DNAH2: variants seen among roughly 807,000 people sequenced by gnomAD.
DNAH2 encodes the protein axonemal beta dynein heavy chain 2.
In DNAH2, 323 loss-of-function variants were observed where a neutral mutation model predicts 523.5. The observed-to-expected ratio is 0.62, with a 90% confidence interval of 0.56 to 0.68. DNAH2 has a LOEUF of 0.68. Among genes scored for constraint, DNAH2 ranks in the 30% least tolerant of loss-of-function variants. The pLI, the probability that DNAH2 is intolerant of heterozygous loss-of-function variation, is 0.00. For synonymous variants in DNAH2, 2,093 were observed against 2,177.4 expected (o/e 0.96, Z 1.08); for missense variants, 4,907 against 5,701.5 (o/e 0.86, Z 4.49).
intron 7 of DNAH2, among the ~76,000 whole-genome samples, chr17:7,735,206 C>G (rs373493060): frequency 6.6e-6 from 1 of 152,174 alleles, no homozygotes; most frequent in South Asian, 2.1e-4. Context: ...TCTCAGCTCA[C>G]TGCAACCTCT....
intron 1 of DNAH2, among the ~76,000 whole-genome samples, chr17:7,719,133 T>C (rs1396437975): frequency 6.6e-6 from 1 of 150,916 alleles, no homozygotes; most frequent in African/African-American, 2.4e-5. Flanking sequence ...CCATCTTTTT[T>C]TTTTTTTTTT....
Position 7,833,667 on chromosome 17 carries a change from G to A in DNAH2, c.*134G>A, listed in dbSNP as rs1412252923. 8.2e-7 allele frequency: 1 copy of A among 1,220,098 alleles called. No individual in the cohort carries two copies. The highest frequency in any genetic ancestry group is 1.3e-5 in the South Asian group (1 of 78,352). 75.6% of individuals were successfully genotyped at this position (1,220,098 alleles called of 1,614,324 possible). A position where few individuals can be genotyped will look rare whatever the true frequency, so the allele number is the denominator to read the frequency against. The stretch of plus-strand genomic sequence containing the variant: ...CGAATTTGTGTGATGTGGCCCTGGA[G>A]ATACCTAGTTGTGTTAGCCATAAAA... On this transcript the variant is annotated 3_prime_UTR_variant, in exon 86 of 86. Transcript: ENST00000572933.
Position 7,821,085 on chromosome 17 carries a change from C to G in DNAH2, c.11016-158C>G, listed in dbSNP as rs2077839148. Among the ~76,000 whole-genome samples, 1 of 152,044 alleles carries G rather than the reference C, an allele frequency of 6.6e-6. No individual in the cohort carries two copies. The highest frequency in any genetic ancestry group is 2.1e-4 in the South Asian group (1 of 4,830). On this transcript the variant is annotated intron_variant, in intron 72 of 85. Transcript: ENST00000572933. This position sits in a 1 kb window ranked among gnomAD's most constrained non-coding sequence, Gnocchi z 5.0. ...AGTGGACTCTGGGAAATTCTTGTGT[C>G]TAGGCCCCTGAGTCCTCAGCTGTTT...
At chr17:7,819,153 C>T in intron 71 of DNAH2, 56 bp from the exon 72 acceptor site, 3 of 1,608,076 alleles carry the variant, frequency 1.9e-6, no homozygotes, top group Non-Finnish European at 2.5e-6. Flanking sequence ...TTCCCTGAGC[C>T]CCTGCTCCCT....
In DNAH2 at chr17:7,817,934, C is replaced by T. The variant is rs767633244; in HGVS notation, c.10237-12C>T. 2 of 1,614,126 alleles carry T rather than the reference C, an allele frequency of 1.2e-6. No individual in the cohort carries two copies. The highest frequency in any genetic ancestry group is 2.2e-5 in the South Asian group (2 of 91,080). Reference sequence around the variant, plus strand: ...CCCGTAGTGTTCCTTCACCTTCCCCCTTGCTCTCTAGGGCCTGAAGATCAT... The same window carrying T: ...CCCGTAGTGTTCCTTCACCTTCCCCTTTGCTCTCTAGGGCCTGAAGATCAT... On this transcript the variant is annotated splice_polypyrimidine_tract_variant and intron_variant, in intron 67 of 85. Coordinates refer to ENST00000572933, the MANE Select transcript of DNAH2 (RefSeq NM_020877.5).
chr17:7,831,595 G>A lies in DNAH2; in HGVS notation c.12611+54G>A. 6.2e-7 allele frequency: 1 copy of A among 1,613,492 alleles called. No individual in the cohort carries two copies. On this transcript the variant is annotated intron_variant, in intron 81 of 85. Transcript: ENST00000572933. This position sits in a 1 kb window ranked among gnomAD's most constrained non-coding sequence, Gnocchi z 4.2. ...GGGGAGGGTGTGAGGAGAAGCCTTT[G>A]CCTTCTGGCTAGAATGACGTTCCCA...
intron 2 of DNAH2, among the ~76,000 whole-genome samples, chr17:7,721,505 A>C (rs1047322059): frequency 3.3e-5 from 5 of 151,904 alleles, no homozygotes; most frequent in Non-Finnish European, 7.4e-5. Flanking sequence ...TGGAACCTGA[A>C]TGCCAGCAGT....
In DNAH2 at chr17:7,817,866, T is replaced by TG. The variant is rs561293718; in HGVS notation, c.10236+16dup. ...CATGGAAGGAGGCCAGGTGTGAGGC[T>TG]GGGGGGTCAGGTTAGCCCCCCCCTT... On this transcript the variant is annotated intron_variant, in intron 67 of 85. Coordinates refer to ENST00000572933, the MANE Select transcript of DNAH2 (RefSeq NM_020877.5). The TG allele has an allele frequency of 9.7e-4, 1,563 of 1,611,852 alleles. 33 individuals are homozygous for TG. The South Asian group carries it at 0.016, about 16-fold the overall frequency.
rs2076586471 is a variant in DNAH2, at chr17:7,780,894, C to T, written c.6003+112C>T. ...CCTCAGATTGGGATTCTCACCTTCC[C>T]ACCTCGTCCCATCCCCGTGTTGCCC... On this transcript the variant is annotated intron_variant, in intron 38 of 85. Transcript: ENST00000572933. The surrounding 1 kb of genome is among the most constrained non-coding windows in gnomAD (Gnocchi z 4.4). 2 of 1,579,440 alleles carry T rather than the reference C, an allele frequency of 1.3e-6. No homozygotes were observed. The highest frequency in any genetic ancestry group is 1.3e-5 in the African/African-American group (1 of 74,354).
intron 12 of DNAH2, among the ~76,000 whole-genome samples, chr17:7,752,160 TACACACACAC>T (rs1555544463): frequency 2.4e-5 from 3 of 124,952 alleles, no homozygotes; most frequent in Non-Finnish European, 4.9e-5. Flanking sequence ...TAAGTCATTT[TACACACACAC>T]ACACACACAC....
intron 31 of DNAH2, among the ~76,000 whole-genome samples, 160 bp from the exon 32 acceptor site, chr17:7,776,619 G>A (rs2076459985): frequency 6.6e-6 from 1 of 152,180 alleles, no homozygotes; most frequent in Non-Finnish European, 1.5e-5. Context: ...CTCCAAGCTG[G>A]ACCCTTAGCT....
chr17:7,777,493 C>T lies in DNAH2; in HGVS notation c.5106C>T (p.Thr1702=), dbSNP rs200427134. ...KYSEAIRGNL[T]KIMRLKIVAL... The stretch of plus-strand genomic sequence containing the variant: ...CAGAAGCCATCAGGGGGAACTTGAC[C>T]AAGATCATGCGGCTTAAAATTGTGG... The change falls in exon 33 of 86, where the codon ACC becomes ACT. Residue 1702 remains threonine (T), a synonymous_variant. Transcript: ENST00000572933. 32 of 1,614,116 alleles carry T rather than the reference C, an allele frequency of 2.0e-5. No individual in the cohort carries two copies. Among genetic ancestry groups the T allele is most frequent in the Non-Finnish European group, 2.3e-5 (27 of 1,180,006 alleles).
At chr17:7,741,032 A>G (rs1244256433) in intron 11 of DNAH2, 40 bp downstream of exon 11, 2 of 1,566,032 alleles carry the variant, frequency 1.3e-6, no homozygotes, top group Non-Finnish European at 8.7e-7. Flanking sequence ...CGTCAGTGAG[A>G]CCGCCAGGAG....
chr17:7,741,792 G>T (rs2075361823), intron 11 of DNAH2, among the ~76,000 whole-genome samples: 2 of 151,934 alleles, frequency 1.3e-5, no homozygotes, highest in African/African-American at 4.8e-5. Flanking sequence ...AGCCTCTCAG[G>T]AGCTGGGATT....
Position 7,830,806 on chromosome 17 carries a change from A to G in DNAH2, c.12194A>G (p.Tyr4065Cys). 6.2e-7 allele frequency: 1 copy of G among 1,614,000 alleles called. No individual in the cohort carries two copies. The highest frequency in any genetic ancestry group is 8.5e-7 in the Non-Finnish European group (1 of 1,180,026). ...CTGCTGACCACCTACATCAATGATT[A>G]TTTCTGTGACCAGTCTCTATCAACT... ...RRLLTTYIND[Y>C]FCDQSLSTPF... is the part of the protein sequence containing the mutation. Residue 4065 changes from tyrosine (Y) to cysteine (C), a missense_variant, in exon 79 of 86, where the codon TAT (tyrosine) becomes TGT (cysteine). Physicochemically the swap from Tyr to Cys is radical, Grantham distance 194. Around this residue, in one of 3 missense-constraint regions of DNAH2, gnomAD observed 1,851 missense variants for 2,139.4 expected, o/e 0.87. Coordinates refer to ENST00000572933, the MANE Select transcript of DNAH2 (RefSeq NM_020877.5).
intron 77 of DNAH2, among the ~76,000 whole-genome samples, chr17:7,825,366 G>A (rs1354752920): frequency 3.9e-5 from 6 of 152,160 alleles, no homozygotes; most frequent in African/African-American, 1.4e-4. Flanking sequence ...TGCTCACCCT[G>A]TGAAAAGCAC....
chr17:7,783,542 G>A (rs1394696617), intron 39 of DNAH2, among the ~76,000 whole-genome samples: 1 of 152,042 alleles, frequency 6.6e-6, no homozygotes, highest in Non-Finnish European at 1.5e-5. Context: ...AAGCAAACAG[G>A]CTGGACATGA....
At position 7,804,367 on chromosome 17, in the gene DNAH2, G is replaced by A; in HGVS notation, c.9084G>A (p.Leu3028=). ...REKVQVMSLE[L]EDAKKKVAEF... is the part of the protein sequence containing the mutation. ...AGGTGCAAGTGATGTCGTTGGAGCT[G>A]GAGGATGCCAAGAAGAAGGTGGCTG... is the stretch of plus-strand genomic sequence containing the variant. Residue 3028 remains leucine (L), a synonymous_variant, in exon 59 of 86, where the codon CTG becomes CTA. Transcript: ENST00000572933. The A allele has an allele frequency of 6.2e-7, 1 of 1,614,162 alleles. No homozygotes were observed. Among genetic ancestry groups the A allele is most frequent in the African/African-American group, 1.3e-5 (1 of 75,032 alleles).
intron 77 of DNAH2, among the ~76,000 whole-genome samples, chr17:7,825,155 G>C (rs538303290): frequency 6.6e-6 from 1 of 151,990 alleles, no homozygotes; most frequent in Non-Finnish European, 1.5e-5. Flanking sequence ...ATCCTCTTCC[G>C]AATGTCACAC....
Sources: gnomAD v4.1 joint callset for allele counts (sites outside exome capture counted in the v4.1 genomes callset) on GRCh38, gnomAD v4.1.1 for gene constraint, gnomAD v4.1.1 regional missense constraint, Gnocchi (gnomAD v3.1) non-coding constraint, MANE v1.5 for transcripts, NCBI Gene and HGNC (gene_info 2026-07-23, HGNC 2026-07-21) for gene names.